The following U2SURP variants were observed in gnomAD, a reference collection of about 807,000 sequenced individuals.
The protein encoded by U2SURP is U2 snRNP associated SURP domain containing, also known as U2 snRNP-associated SURP motif-containing protein.
Under a neutral mutation model 144.9 loss-of-function variants are expected in U2SURP, and 9 were observed. The observed-to-expected ratio is 0.06, with a 90% CI of 0.04 to 0.11. U2SURP has a LOEUF of 0.11. Among genes scored for constraint, U2SURP ranks in the 10% least tolerant of loss-of-function variants. The probability of loss-of-function intolerance (pLI) is 1.00; values close to 1 mark genes in which losing one functional copy is unlikely to be tolerated. For synonymous variants in U2SURP, 408 were observed against 396.8 expected (o/e 1.03, Z -0.33); for missense variants, 724 against 1,226.7 (o/e 0.59, Z 6.12).
chr3:143,037,997 T>A (rs1207232921), intron 21 of U2SURP, 111 bp from the exon 22 acceptor site: 1 of 658,062 alleles, frequency 1.5e-6, no homozygotes, highest in African/African-American at 1.9e-5. Context: ...TATTTGTCCA[T>A]CTGTGTCCTT....
At chr3:143,031,736 A>C (rs1171760657) in intron 16 of U2SURP, among the ~76,000 whole-genome samples, 1 of 152,198 alleles carries the variant, frequency 6.6e-6, no homozygotes, top group East Asian at 1.9e-4. Context: ...TCTGTAACTG[A>C]ATCCGTCTCT....
intron 24 of U2SURP, among the ~76,000 whole-genome samples, chr3:143,047,709 GCGCCCC>G (rs1934596353): frequency 1.4e-5 from 1 of 72,322 alleles, no homozygotes; most frequent in Admixed American, 1.3e-4. Flanking sequence ...CCGGGCAGAG[GCGCCCC>G]TCACCTCCCG....
At chr3:143,014,693 C>T (rs984309445) in intron 4 of U2SURP, among the ~76,000 whole-genome samples, 1 of 151,854 alleles carries the variant, frequency 6.6e-6, no homozygotes, top group Non-Finnish European at 1.5e-5. Flanking sequence ...GTACCCATTC[C>T]CCTTAGATTA....
At chr3:143,036,415 T>G (rs1933811132) in intron 20 of U2SURP, among the ~76,000 whole-genome samples, 1 of 152,234 alleles carries the variant, frequency 6.6e-6, no homozygotes, top group African/African-American at 2.4e-5. Context: ...TGACTTTATT[T>G]TGTTAAAGAT....
At chr3:143,007,292 T>TC (rs1013366464) in intron 1 of U2SURP, among the ~76,000 whole-genome samples, 30 of 151,838 alleles carry the variant, frequency 2.0e-4, no homozygotes, top group Middle Eastern at 3.4e-3. Flanking sequence ...TCTTTTCTTT[T>TC]TTTTTTTTTC....
chr3:143,053,548 T>A (rs1022771891), intron 25 of U2SURP, 128 bp from the exon 26 acceptor site: 41 of 659,506 alleles, frequency 6.2e-5, no homozygotes, highest in Non-Finnish European at 9.0e-5. Flanking sequence ...TTTTTTTTTT[T>A]AATAGTATTG....
chr3:143,024,225 T>C (rs889312738), intron 13 of U2SURP, among the ~76,000 whole-genome samples: 1 of 152,196 alleles, frequency 6.6e-6, no homozygotes, highest in African/African-American at 2.4e-5. Flanking sequence ...TTTATTGTTA[T>C]CACTGTAGGG....
chr3:143,041,553 A>G (rs1325077497), intron 23 of U2SURP, among the ~76,000 whole-genome samples: 1 of 151,988 alleles, frequency 6.6e-6, no homozygotes, highest in African/African-American at 2.4e-5. Context: ...AAAAGCTAGT[A>G]TCAGAGTTTT....
At chr3:143,022,814 T>C (rs1369834749) in intron 11 of U2SURP, 39 bp from the exon 12 acceptor site, 2 of 1,492,352 alleles carry the variant, frequency 1.3e-6, no homozygotes, top group East Asian at 2.4e-5. Flanking sequence ...TGGAAACTTT[T>C]GAGAGTTAAC....
At position 143,038,091 on chromosome 3, in the gene U2SURP, T is replaced by G; in HGVS notation, c.2222-17T>G. Reference sequence around the variant, plus strand: ...TCCACTAGTAGTCAGGGTTAATGGCTTATCTTTCCCTAATAGTGGATGCAA... The same window carrying G: ...TCCACTAGTAGTCAGGGTTAATGGCGTATCTTTCCCTAATAGTGGATGCAA... On this transcript the variant is annotated splice_polypyrimidine_tract_variant and intron_variant, in intron 21 of 27. Transcript: ENST00000473835. 2 of 1,581,700 alleles carry G rather than the reference T, an allele frequency of 1.3e-6. No homozygotes were observed. The highest frequency in any genetic ancestry group is 8.6e-7 in the Non-Finnish European group (1 of 1,164,914).
chr3:143,025,637 A>G (rs1299065520), intron 13 of U2SURP: 1 of 152,222 alleles, frequency 6.6e-6, no homozygotes, highest in African/African-American at 2.4e-5. Flanking sequence ...TTGCAGAGCA[A>G]TTACTTCTGT....
At chr3:143,052,548 TC>T (rs1243498814) in intron 25 of U2SURP, among the ~76,000 whole-genome samples, 1 of 152,216 alleles carries the variant, frequency 6.6e-6, no homozygotes, top group Non-Finnish European at 1.5e-5. Context: ...AGGAATATGG[TC>T]CTTGCCTGAT....
In U2SURP at chr3:143,056,325, T is replaced by C; in HGVS notation, c.2965T>C (p.Ser989Pro). The part of the protein sequence containing the change: ...SKKAKRSPSG[S>P]RTPKRSRRSR... Reference sequence around the variant, plus strand: ...TTGTTTCCTTAGATCACCATCTGGTTCAAGGACACCTAAAAGGTCTAGGCG... The same window carrying C: ...TTGTTTCCTTAGATCACCATCTGGTCCAAGGACACCTAAAAGGTCTAGGCG... The change falls in exon 28 of 28, where the codon TCA (serine) becomes CCA (proline). Residue 989 changes from serine (S) to proline (P), a missense_variant. By Grantham distance (74) the Ser-to-Pro change is moderately conservative. This residue lies in a region of U2SURP where 129 missense variants were observed against 196.1 expected (regional missense o/e 0.66). Transcript: ENST00000473835. 1 of 1,606,448 alleles carries C rather than the reference T, an allele frequency of 6.2e-7. No homozygotes were observed. The highest frequency in any genetic ancestry group is 1.3e-5 in the African/African-American group (1 of 74,872).
intron 1 of U2SURP, among the ~76,000 whole-genome samples, chr3:143,007,109 T>G (rs1935872165): frequency 6.6e-6 from 1 of 152,192 alleles, no homozygotes; most frequent in Non-Finnish European, 1.5e-5. Flanking sequence ...CTTTTATCCC[T>G]TTAGCAGCCA....
At chr3:143,044,737 A>G (rs1034065870) in intron 24 of U2SURP, among the ~76,000 whole-genome samples, 3 of 152,172 alleles carry the variant, frequency 2.0e-5, no homozygotes, top group Non-Finnish European at 4.4e-5. Flanking sequence ...CTCCCTTACT[A>G]ACTTATGATA....
At chr3:143,023,216 A>G (rs1261102780) in intron 12 of U2SURP, 152 bp downstream of exon 12, 2 of 618,012 alleles carry the variant, frequency 3.2e-6, no homozygotes, top group African/African-American at 1.9e-5. Context: ...GCCTTAGCCC[A>G]TGGAAACCCT....
intron 25 of U2SURP, among the ~76,000 whole-genome samples, chr3:143,053,086 C>CT (rs1295893651): frequency 6.6e-6 from 1 of 151,502 alleles, no homozygotes; most frequent in Non-Finnish European, 1.5e-5. Flanking sequence ...AACCATTTTC[C>CT]TTTTCTAGCC....
chr3:143,032,913 G>C lies in U2SURP; in HGVS notation c.1740G>C (p.Ser580=). ...AAATAGTGGATTGCATTACTGAGTC[G>C]TTGTCCATCTTAAAGACACCCCTTC... ...AEEIVDCITE[S]LSILKTPLPK... is the part of the protein sequence containing the mutation. The change falls in exon 17 of 28, where the codon TCG becomes TCC. Residue 580 remains serine, a synonymous_variant. Coordinates refer to ENST00000473835, the MANE Select transcript of U2SURP (RefSeq NM_001080415.2). The C allele has an allele frequency of 6.2e-7, 1 of 1,613,250 alleles. No individual in the cohort carries two copies. Among genetic ancestry groups the C allele is most frequent in the East Asian group, 2.2e-5 (1 of 44,790 alleles).
chr3:143,039,188 A>G (rs936181045), intron 23 of U2SURP, among the ~76,000 whole-genome samples: 1 of 151,872 alleles, frequency 6.6e-6, no homozygotes, highest in South Asian at 2.1e-4. Flanking sequence ...GCTAGGTTAT[A>G]TTCTCACTTT....
Sources: gnomAD v4.1 joint callset for allele counts (sites outside exome capture counted in the v4.1 genomes callset) on GRCh38, gnomAD v4.1.1 for gene constraint, gnomAD v4.1.1 regional missense constraint, MANE v1.5 for transcripts, NCBI Gene and HGNC (gene_info 2026-07-23, HGNC 2026-07-21) for gene names.